The following TMEM114 variants were observed in gnomAD, a reference collection of about 807,000 sequenced individuals.
The protein encoded by TMEM114 is claudin-26.
TMEM114 carries 6 observed loss-of-function variants against 6.2 expected under a neutral mutation model. The ratio of observed to expected loss-of-function variants is 0.97; its 90% CI spans 0.53 to 1.91. TMEM114 has a LOEUF of 1.91. Among genes scored for constraint, TMEM114 ranks in the 40% most tolerant of loss-of-function variants. The pLI is 0.01. For missense variants in TMEM114, 218 were observed against 158.3 expected (o/e 1.38, Z -2.02); for synonymous variants, 104 against 73.0 (o/e 1.42, Z -2.16).
At position 8,551,583 on chromosome 16, in the gene TMEM114, C is replaced by T. The variant is rs1482228376; in HGVS notation, n.213-13757G>A. 1.3e-5 allele frequency among the ~76,000 whole-genome samples: 2 copies of T among 152,208 alleles called. 1 individual carries two copies. Among genetic ancestry groups the T allele is most frequent in the South Asian group, 4.1e-4 (2 of 4,832 alleles). The stretch of plus-strand genomic sequence containing the variant: ...GAGAAAGTCCATCAGTGACAACATT[C>T]CCAGTATCCTCAGATTTAACCATAC... On this transcript the variant is annotated intron_variant and non_coding_transcript_variant, in intron 2 of 2. Transcript: ENST00000623677.
At chr16:8,570,653 G>A (rs914748184) in intron 3 of TMEM114, among the ~76,000 whole-genome samples, 3 of 152,124 alleles carry the variant, frequency 2.0e-5, no homozygotes, top group Admixed American at 1.3e-4. Flanking sequence ...CTCCCCCAGT[G>A]GCCTGTGAGT....
At chr16:8,577,989 C>A (rs1371267184) in intron 2 of TMEM114, among the ~76,000 whole-genome samples, 1 of 152,172 alleles carries the variant, frequency 6.6e-6, no homozygotes, top group Non-Finnish European at 1.5e-5. Flanking sequence ...GGGGACACCT[C>A]ATCGAACAAG....
rs896591421 is a variant in TMEM114 at position 8,572,184 on chromosome 16, C to T, written c.342G>A (p.Leu114=). ...TCATCCCCCCAAAAACCATCAGGAT[C>T]AGGCTGAGCGGCAGCAGAATCACAA... The part of the protein sequence containing the change: ...GTFVILLPLS[L]ILMVFGGMTG... Residue 114 remains leucine (L), a synonymous_variant, in exon 3 of 4, where the codon CTG becomes CTA. Coordinates refer to ENST00000620492, the MANE Select transcript of TMEM114 (RefSeq NM_001146336.2). 2 of 1,551,506 alleles carry T rather than the reference C, an allele frequency of 1.3e-6. No individual in the cohort carries two copies. The highest frequency in any genetic ancestry group is 1.7e-6 in the Non-Finnish European group (2 of 1,146,986).
downstream of TMEM114, chr16:8,569,437 A>C: frequency 8.8e-7 from 1 of 1,134,860 alleles, no homozygotes; most frequent in Non-Finnish European, 1.1e-6. Flanking sequence ...TCCAAGGGAC[A>C]TGGGTGAGGA....
At chr16:8,576,643 C>G (rs1356947828) in intron 2 of TMEM114, among the ~76,000 whole-genome samples, 2 of 151,620 alleles carry the variant, frequency 1.3e-5, no homozygotes, top group African/African-American at 4.9e-5. Flanking sequence ...ACTTGCAACA[C>G]AGAACCTAGA....
intron 2 of TMEM114, among the ~76,000 whole-genome samples, chr16:8,577,127 A>T (rs929284144): frequency 8.5e-5 from 13 of 152,238 alleles, no homozygotes; most frequent in African/African-American, 2.4e-4. Flanking sequence ...TCATTTGAAA[A>T]ATGGAACTGG....
the TMEM114 span, among the ~76,000 whole-genome samples, chr16:8,530,408 G>C: frequency 6.6e-6 from 1 of 152,154 alleles, no homozygotes; most frequent in East Asian, 1.9e-4. Flanking sequence ...GACTAGTCTA[G>C]ATTAGTTCTT....
At chr16:8,559,834 C>T (rs955619966) in intron 2 of TMEM114, among the ~76,000 whole-genome samples, 1 of 152,122 alleles carries the variant, frequency 6.6e-6, no homozygotes, top group Non-Finnish European at 1.5e-5. Flanking sequence ...AGCTGCAGCA[C>T]CAGGACAAGG....
intron 2 of TMEM114, among the ~76,000 whole-genome samples, chr16:8,582,989 C>G (rs982494179): frequency 3.3e-5 from 5 of 152,084 alleles, no homozygotes; most frequent in Non-Finnish European, 7.4e-5. Flanking sequence ...GGAAAGGAAA[C>G]TGCTAGGGTT....
chr16:8,534,574 A>G (rs1900302078), downstream of TMEM114, among the ~76,000 whole-genome samples: 1 of 152,180 alleles, frequency 6.6e-6, no homozygotes, highest in Non-Finnish European at 1.5e-5. Context: ...AAGAAAAAAT[A>G]GTAATGGGGT....
At chr16:8,559,732 G>A (rs1191489639) in intron 2 of TMEM114, among the ~76,000 whole-genome samples, 1 of 152,172 alleles carries the variant, frequency 6.6e-6, no homozygotes, top group South Asian at 2.1e-4. Flanking sequence ...CAAGGAGAAG[G>A]TGGCTGAGCC....
the TMEM114 span, among the ~76,000 whole-genome samples, chr16:8,530,008 A>G: frequency 2.8e-4 from 43 of 152,318 alleles, no homozygotes; most frequent in African/African-American, 1.0e-3. Flanking sequence ...TGTGAAACCT[A>G]ATTTTTTCAG....
At chr16:8,533,035 C>T (rs569137411), downstream of TMEM114, among the ~76,000 whole-genome samples, 1 of 152,088 alleles carries the variant, frequency 6.6e-6, no homozygotes, top group African/African-American at 2.4e-5. Flanking sequence ...TCATGATGAA[C>T]AACATAAATA....
chr16:8,534,486 G>C (rs1316045528), downstream of TMEM114, among the ~76,000 whole-genome samples: 1 of 152,170 alleles, frequency 6.6e-6, no homozygotes, highest in Admixed American at 6.5e-5. Context: ...AATTCTGCTG[G>C]GAGGGTCTCT....
chr16:8,564,162 T>G (rs1347140316), intron 2 of TMEM114, among the ~76,000 whole-genome samples: 1 of 151,294 alleles, frequency 6.6e-6, no homozygotes, highest in Non-Finnish European at 1.5e-5. Context: ...AGTTAGTGAA[T>G]GAGTGAGTAA....
At chr16:8,533,492 C>T (rs1246529527), downstream of TMEM114, among the ~76,000 whole-genome samples, 1 of 152,202 alleles carries the variant, frequency 6.6e-6, no homozygotes, top group Non-Finnish European at 1.5e-5. Context: ...GCCTTTGATA[C>T]ATGGTCACAG....
At chr16:8,583,485 C>A (rs1902220362) in intron 2 of TMEM114, among the ~76,000 whole-genome samples, 1 of 152,176 alleles carries the variant, frequency 6.6e-6, no homozygotes, top group Non-Finnish European at 1.5e-5. Flanking sequence ...TGGTTCAGGC[C>A]TGTTATCCCA....
chr16:8,544,006 A>G (rs78583353), intron 2 of TMEM114, among the ~76,000 whole-genome samples: 27,884 of 152,136 alleles, frequency 0.18, 2,792 homozygotes, highest in South Asian at 0.33. Flanking sequence ...TTTTGCCTAG[A>G]CTGCCAGGAA....
intron 2 of TMEM114, among the ~76,000 whole-genome samples, chr16:8,541,206 G>A (rs764352583): frequency 7.2e-5 from 11 of 152,104 alleles, no homozygotes; most frequent in South Asian, 2.1e-4. Context: ...TATTTTCTGC[G>A]TTTTACTAAT....
Sources: gnomAD v4.1 joint callset for allele counts (sites outside exome capture counted in the v4.1 genomes callset) on GRCh38, gnomAD v4.1.1 for gene constraint, MANE v1.5 for transcripts, NCBI Gene and HGNC (gene_info 2026-07-23, HGNC 2026-07-21) for gene names.